KCNN3: variants seen among roughly 807,000 people sequenced by gnomAD.
KCNN3 encodes the protein small conductance calcium-activated potassium channel protein 3.
In KCNN3, 16 loss-of-function variants were observed where a neutral mutation model predicts 62.9. That is an observed-to-expected ratio of 0.25 (90% CI 0.17 to 0.39). The LOEUF is 0.39. Among genes scored for constraint, KCNN3 ranks in the 10% least tolerant of loss-of-function variants. The pLI, the probability that KCNN3 is intolerant of heterozygous loss-of-function variation, is 1.00. For missense variants in KCNN3, 599 were observed against 949.4 expected (o/e 0.63, Z 4.85); for synonymous variants, 370 against 389.2 (o/e 0.95, Z 0.58).
chr1:154,742,303 T>A (rs367794987), intron 3 of KCNN3, among the ~76,000 whole-genome samples: 2 of 152,204 alleles, frequency 1.3e-5, no homozygotes, highest in African/African-American at 4.8e-5. Flanking sequence ...ATCCACCTAC[T>A]GCCCACACAC....
intron 1 of KCNN3, chr1:154,868,188 A>G: frequency 1.0e-6 from 1 of 985,480 alleles, no homozygotes; most frequent in Non-Finnish European, 1.2e-6. Flanking sequence ...AAGCCCTGTC[A>G]TCCCGTCCCA....
Position 154,747,950 on chromosome 1 carries a change from G to A in KCNN3, c.1449-14806C>T, listed in dbSNP as rs561167348. Among the ~76,000 whole-genome samples the A allele has an allele frequency of 9.9e-5, 15 of 152,214 alleles. No individual in the cohort carries two copies. The South Asian group carries it at 1.7e-3, about 17-fold the overall frequency. ...AGGAAATCACCTCCTCCGGAAAGCC[G>A]TCCCGGATCAAGTGCCCTCTGTGGA... On this transcript the variant is annotated intron_variant, in intron 3 of 7. Transcript: ENST00000271915.
intron 2 of KCNN3, among the ~76,000 whole-genome samples, chr1:154,794,910 C>T (rs1649663960): frequency 6.6e-6 from 1 of 152,180 alleles, no homozygotes; most frequent in Admixed American, 6.5e-5. Context: ...CTCGTTTTCA[C>T]TGACTTCCTA....
chr1:154,800,444 G>A (rs1323383459), intron 2 of KCNN3, among the ~76,000 whole-genome samples: 1 of 152,180 alleles, frequency 6.6e-6, no homozygotes, highest in African/African-American at 2.4e-5. Flanking sequence ...GTCCAGAATT[G>A]GCTCAGAGGA....
chr1:154,782,092 A>C (rs1649077703), intron 2 of KCNN3, among the ~76,000 whole-genome samples: 1 of 152,212 alleles, frequency 6.6e-6, no homozygotes, highest in African/African-American at 2.4e-5. Context: ...GAGATAAAAG[A>C]AAGAAGACCA....
At chr1:154,845,150 A>C (rs1332002932) in intron 1 of KCNN3, among the ~76,000 whole-genome samples, 1 of 152,142 alleles carries the variant, frequency 6.6e-6, no homozygotes, top group Non-Finnish European at 1.5e-5. Context: ...GACCTCATGA[A>C]TCAATCAGGG....
chr1:154,730,668 C>T (rs1392091454), intron 4 of KCNN3, among the ~76,000 whole-genome samples: 1 of 152,192 alleles, frequency 6.6e-6, no homozygotes, highest in Admixed American at 6.5e-5. Flanking sequence ...TAGAGGAAAC[C>T]TCCCTGTTCC....
chr1:154,798,471 GGA>G (rs1282181257), intron 2 of KCNN3, among the ~76,000 whole-genome samples: 10 of 152,220 alleles, frequency 6.6e-5, no homozygotes, highest in Non-Finnish European at 1.3e-4. Context: ...ACAATTTGGT[GGA>G]GTTTACACCC....
intron 1 of KCNN3, among the ~76,000 whole-genome samples, chr1:154,826,050 A>AAAAAACAAAAAC (rs554590439): frequency 1.4e-5 from 1 of 70,056 alleles, no homozygotes; most frequent in Non-Finnish European, 2.5e-5. Context: ...CCATCTTAAA[A>AAAAAACAAAAAC]AAAAACAAAA....
intron 1 of KCNN3, among the ~76,000 whole-genome samples, chr1:154,841,976 G>A (rs1009594293): frequency 2.0e-5 from 3 of 152,242 alleles, no homozygotes; most frequent in Non-Finnish European, 2.9e-5. Context: ...GTGTAGCCAC[G>A]TGGGTGAGCG....
intron 1 of KCNN3, among the ~76,000 whole-genome samples, chr1:154,837,109 T>A (rs2101907685): frequency 6.6e-6 from 1 of 152,044 alleles, no homozygotes; most frequent in South Asian, 2.1e-4. Context: ...TAAGCCTTTT[T>A]TTTTTTTTGA....
At chr1:154,760,779 T>C (rs2101826844) in intron 3 of KCNN3, among the ~76,000 whole-genome samples, 1 of 152,258 alleles carries the variant, frequency 6.6e-6, no homozygotes, top group African/African-American at 2.4e-5. Flanking sequence ...CCTGTGGAGC[T>C]CCACCTGCCC....
In KCNN3 at chr1:154,869,889, A is replaced by T; in HGVS notation, c.76T>A (p.Ser26Thr). 6.2e-7 allele frequency: 1 copy of T among 1,607,248 alleles called. No homozygotes were observed. The highest frequency in any genetic ancestry group is 8.5e-7 in the Non-Finnish European group (1 of 1,177,022). Reference sequence around the variant, plus strand: ...TGCTGCTGCTGCTGCTCATCCCCAGAGGATGGACAGGGGCACTTGGGGTCT... The same window carrying T: ...TGCTGCTGCTGCTGCTCATCCCCAGTGGATGGACAGGGGCACTTGGGGTCT... ...DEDPKCPCPS[S>T]GDEQQQQQQQ... is the part of the protein sequence containing the mutation. Residue 26 changes from serine to threonine, a missense_variant, in exon 1 of 8, where the codon TCT becomes ACT. Physicochemically the swap from Ser to Thr is moderately conservative, Grantham distance 58. Coordinates refer to ENST00000271915, the MANE Select transcript of KCNN3 (RefSeq NM_002249.6). The surrounding 1 kb of genome is among the most constrained non-coding windows in gnomAD (Gnocchi z 6.1).
At chr1:154,833,270 T>C (rs1386816401) in intron 1 of KCNN3, among the ~76,000 whole-genome samples, 2 of 152,158 alleles carry the variant, frequency 1.3e-5, no homozygotes, top group Non-Finnish European at 2.9e-5. Context: ...CCGGCAATGT[T>C]TGGGCCAAAT....
At position 154,718,903 on chromosome 1, in the gene KCNN3, A is replaced by T. The variant is rs533628784; in HGVS notation, c.1702-3900T>A. 5.3e-5 allele frequency among the ~76,000 whole-genome samples: 8 copies of T among 152,264 alleles called. No homozygotes were observed. The South Asian group carries it at 1.7e-3, about 32-fold the overall frequency. ...TTTGTTAATATTCTCTCCTTCCAAT[A>T]AATGTCAGCTTCCTTCCCTCTAACT... is the stretch of plus-strand genomic sequence containing the variant. On this transcript the variant is annotated intron_variant, in intron 5 of 7. Coordinates refer to ENST00000271915, the MANE Select transcript of KCNN3 (RefSeq NM_002249.6).
Position 154,772,592 on chromosome 1 carries a change from G to A in KCNN3, c.1030-199C>T, listed in dbSNP as rs1648610496. 6.6e-6 allele frequency among the ~76,000 whole-genome samples: 1 copy of A among 152,228 alleles called. No homozygotes were observed. Among genetic ancestry groups the A allele is most frequent in the African/African-American group, 2.4e-5 (1 of 41,464 alleles). ...GGAGAGCTGGATTCAGTCTACCTGG[G>A]AAGCCCTGGCTAAGACACTTTGACT... is the stretch of plus-strand genomic sequence containing the variant. On this transcript the variant is annotated intron_variant, in intron 2 of 7. Transcript: ENST00000271915. This position sits in a 1 kb window ranked among gnomAD's most constrained non-coding sequence, Gnocchi z 5.6.
intron 1 of KCNN3, among the ~76,000 whole-genome samples, chr1:154,843,370 G>C (rs1028317447): frequency 1.3e-5 from 2 of 152,140 alleles, no homozygotes; most frequent in African/African-American, 2.4e-5. Context: ...TTCAGCTTGA[G>C]AGCCCACATC....
intron 3 of KCNN3, among the ~76,000 whole-genome samples, chr1:154,760,509 C>T (rs1647953393): frequency 6.6e-6 from 1 of 152,052 alleles, no homozygotes; most frequent in Non-Finnish European, 1.5e-5. Context: ...CTCCGGCTGT[C>T]GCCACAGCGA....
intron 5 of KCNN3, among the ~76,000 whole-genome samples, chr1:154,725,029 G>A (rs1423769615): frequency 6.6e-6 from 1 of 151,928 alleles, no homozygotes; most frequent in African/African-American, 2.4e-5. Flanking sequence ...GCTAATTTTT[G>A]TATTTTTAGT....
Sources: allele counts gnomAD v4.1 joint callset (sites outside exome capture counted in the v4.1 genomes callset), GRCh38; gene constraint gnomAD v4.1.1; non-coding constraint Gnocchi (gnomAD v3.1); transcripts MANE v1.5; gene names NCBI Gene and HGNC (gene_info 2026-07-23, HGNC 2026-07-21).